The following AIG1 variants were observed in gnomAD, a reference collection of about 807,000 sequenced individuals.
AIG1 encodes androgen-induced gene 1 protein.
In AIG1, 23 loss-of-function variants were observed where a neutral mutation model predicts 31.4. The ratio of observed to expected loss-of-function variants is 0.73; its 90% CI spans 0.53 to 1.04. The LOEUF (loss-of-function observed/expected upper bound fraction) is 1.04. Among genes scored for constraint, AIG1 ranks in the 50% least tolerant of loss-of-function variants. The probability of loss-of-function intolerance (pLI) is 0.00; values close to 1 mark genes in which losing one functional copy is unlikely to be tolerated. For missense variants in AIG1, 274 were observed against 295.0 expected, an observed-to-expected ratio of 0.93 and a Z score of 0.52; for synonymous variants, 100 against 110.5, an observed-to-expected ratio of 0.90 and a Z score of 0.60.
intron 3 of AIG1, among the ~76,000 whole-genome samples, chr6:143,215,092 C>T (rs1415536370): frequency 6.6e-6 from 1 of 151,720 alleles, no homozygotes; most frequent in Non-Finnish European, 1.5e-5. Flanking sequence ...CAGCCTGGAA[C>T]ATTGTAGGTG....
Position 143,292,314 on chromosome 6 carries a change from G to A in AIG1, c.515+8089G>A, listed in dbSNP as rs1159959411. On this transcript the variant is annotated intron_variant, in intron 4 of 5. Transcript: ENST00000357847. The surrounding 1 kb of genome is among the most constrained non-coding windows in gnomAD (Gnocchi z 4.9). ...GTGATGGACAGGTTAGCCTGCTTTT[G>A]CAGGTGGACCCAGTCTAATCCCATG... Among the ~76,000 whole-genome samples the A allele has an allele frequency of 6.6e-6, 1 of 152,218 alleles. No homozygotes were observed. Among genetic ancestry groups the A allele is most frequent in the Non-Finnish European group, 1.5e-5 (1 of 68,036 alleles).
At chr6:143,313,005 A>G (rs1476768618) in intron 4 of AIG1, among the ~76,000 whole-genome samples, 1 of 152,172 alleles carries the variant, frequency 6.6e-6, no homozygotes, top group Non-Finnish European at 1.5e-5. Flanking sequence ...CTACAGTGAG[A>G]TACCATCTCA....
intron 4 of AIG1, among the ~76,000 whole-genome samples, chr6:143,314,492 AAT>A (rs1212493861): frequency 6.6e-6 from 1 of 152,180 alleles, no homozygotes. Context: ...ATACAAGGTT[AAT>A]ATGCAGAAAT....
rs758809746 is a variant in AIG1, at chr6:143,330,183, A to G, written c.516-3099A>G. Among the ~76,000 whole-genome samples the G allele has an allele frequency of 5.9e-5, 9 of 152,234 alleles. No homozygotes were observed. Among genetic ancestry groups the G allele is most frequent in the Non-Finnish European group, 1.0e-4 (7 of 68,040 alleles). On this transcript the variant is annotated intron_variant, in intron 4 of 5. Coordinates refer to ENST00000357847, the MANE Select transcript of AIG1 (RefSeq NM_016108.4). The surrounding 1 kb of genome is among the most constrained non-coding windows in gnomAD (Gnocchi z 4.4). The stretch of plus-strand genomic sequence containing the variant: ...CAAGAACCACAGAATACAGCAATGA[A>G]CATAATTGGACAAAATTCCTTTGCT...
chr6:143,316,034 T>C (rs1227124947), intron 4 of AIG1, among the ~76,000 whole-genome samples: 1 of 152,000 alleles, frequency 6.6e-6, no homozygotes, highest in Non-Finnish European at 1.5e-5. Flanking sequence ...TGTTAAGACA[T>C]AGGGGTATAA....
In AIG1 at chr6:143,241,288, A is replaced by G. The variant is rs1391205224; in HGVS notation, c.400-42822A>G. Among the ~76,000 whole-genome samples the G allele has an allele frequency of 2.0e-5, 3 of 152,202 alleles. 1 individual carries two copies. The highest frequency in any genetic ancestry group is 1.3e-4 in the Admixed American group (2 of 15,276). ...CAGCGAACAACTATTCCAAACCCCT[A>G]TGTGAAAACCCTGACCCTGGTGAGC... On this transcript the variant is annotated intron_variant, in intron 3 of 5. Transcript: ENST00000357847.
At chr6:143,316,760 C>T (rs956528128) in intron 4 of AIG1, among the ~76,000 whole-genome samples, 14 of 151,774 alleles carry the variant, frequency 9.2e-5, no homozygotes, top group African/African-American at 3.1e-4. Context: ...ATACCATTAG[C>T]GAGATTAACC....
At chr6:143,189,624 C>G in intron 3 of AIG1, 7 of 985,320 alleles carry the variant, frequency 7.1e-6, no homozygotes, top group Non-Finnish European at 8.4e-6. Flanking sequence ...ACCCTACTAT[C>G]TTTTTTGATG....
chr6:143,189,988 C>T (rs1789638122), intron 3 of AIG1: 1 of 473,506 alleles, frequency 2.1e-6, no homozygotes, highest in Non-Finnish European at 2.8e-6. Context: ...CTTCCAGCTT[C>T]TTGCTGTGTC....
At chr6:143,164,075 C>T (rs187010124) in intron 2 of AIG1, among the ~76,000 whole-genome samples, 2 of 152,206 alleles carry the variant, frequency 1.3e-5, no homozygotes, top group Non-Finnish European at 2.9e-5. Context: ...TGGTATTAAA[C>T]TATTTATTAT....
chr6:143,282,156 A>T (rs1251902236), intron 3 of AIG1, among the ~76,000 whole-genome samples: 1 of 152,228 alleles, frequency 6.6e-6, no homozygotes, highest in African/African-American at 2.4e-5. Flanking sequence ...ATATTTATTT[A>T]AAAATGGAGG....
At chr6:143,206,703 CTTTAA>C (rs1253331812) in intron 3 of AIG1, among the ~76,000 whole-genome samples, 8 of 152,234 alleles carry the variant, frequency 5.3e-5, no homozygotes, top group Non-Finnish European at 8.8e-5. Context: ...GCATAGAGGT[CTTTAA>C]TTTAAAGAAA....
At chr6:143,118,715 TTGC>T in intron 1 of AIG1, among the ~76,000 whole-genome samples, 2 of 152,342 alleles carry the variant, frequency 1.3e-5, no homozygotes, top group East Asian at 3.9e-4. Flanking sequence ...ATCATTTATG[TTGC>T]CTTATGACTG....
rs1798536897 is a variant in AIG1, at chr6:143,297,778, T to G, written c.515+13553T>G. On this transcript the variant is annotated intron_variant, in intron 4 of 5. Transcript: ENST00000357847. The surrounding 1 kb of genome is among the most constrained non-coding windows in gnomAD (Gnocchi z 5.1). ...AGATAGTTTTTTTAAAATGCAAATT[T>G]TATCCTGTCAATCCTCCTACTTAAA... 6.6e-6 allele frequency among the ~76,000 whole-genome samples: 1 copy of G among 152,214 alleles called. No individual in the cohort carries two copies. Among genetic ancestry groups the G allele is most frequent in the African/African-American group, 2.4e-5 (1 of 41,450 alleles).
At chr6:143,239,770 G>A (rs1794101601) in intron 3 of AIG1, among the ~76,000 whole-genome samples, 1 of 152,200 alleles carries the variant, frequency 6.6e-6, no homozygotes, top group South Asian at 2.1e-4. Flanking sequence ...AATAAATGAA[G>A]TGAGAAGTTG....
chr6:143,332,072 A>T (rs1041991591), intron 4 of AIG1, among the ~76,000 whole-genome samples: 1 of 151,872 alleles, frequency 6.6e-6, no homozygotes, highest in Non-Finnish European at 1.5e-5. Context: ...GGGTTTCGCC[A>T]TGTTGGCCAG....
intron 1 of AIG1, among the ~76,000 whole-genome samples, chr6:143,123,355 A>G (rs945715774): frequency 1.3e-5 from 2 of 152,216 alleles, no homozygotes; most frequent in African/African-American, 2.4e-5. Context: ...TGAATCAAGC[A>G]GTGAAAAACA....
Position 143,194,779 on chromosome 6 carries a change from A to G in AIG1, c.399+29596A>G, listed in dbSNP as rs111350379. ...GGCCCCCAGCATGCTGCCTGTCATC[A>G]CTGTCCCCGATGCTGTCCCGCAGCA... is the stretch of plus-strand genomic sequence containing the variant. On this transcript the variant is annotated intron_variant, in intron 3 of 5. Transcript: ENST00000357847. Among the ~76,000 whole-genome samples the G allele has an allele frequency of 6.9e-3, 1,044 of 152,180 alleles. 13 individuals carry two copies. The highest frequency in any genetic ancestry group is 0.024 in the African/African-American group (979 of 41,492).
intron 3 of AIG1, among the ~76,000 whole-genome samples, chr6:143,171,295 G>A (rs1193267140): frequency 6.7e-6 from 1 of 149,926 alleles, no homozygotes; most frequent in Non-Finnish European, 1.5e-5. Flanking sequence ...AATGATGTTT[G>A]ATTTTCCATT....
Sources: gnomAD v4.1 joint callset for allele counts (sites outside exome capture counted in the v4.1 genomes callset) on GRCh38, gnomAD v4.1.1 for gene constraint, Gnocchi (gnomAD v3.1) non-coding constraint, MANE v1.5 for transcripts, NCBI Gene and HGNC (gene_info 2026-07-23, HGNC 2026-07-21) for gene names.